Variants in AFG2A observed in about 807,000 individuals in gnomAD.
The protein encoded by AFG2A is AAA ATPase AFG2A.
chr4:123,223,701 A>G, the AFG2A span, among the ~76,000 whole-genome samples: 3 of 152,274 alleles, frequency 2.0e-5, no homozygotes, highest in South Asian at 4.1e-4. Context: ...CCCACCTCCA[A>G]CACTAGGGAT....
chr4:123,229,643 G>A, the AFG2A span, among the ~76,000 whole-genome samples: 2 of 151,944 alleles, frequency 1.3e-5, no homozygotes, highest in Admixed American at 6.6e-5. Flanking sequence ...ATGTAGGAAA[G>A]GAGAAAGAAG....
chr4:122,993,596 G>T, the AFG2A span, among the ~76,000 whole-genome samples: 942 of 152,068 alleles, frequency 6.2e-3, 12 homozygotes, highest in African/African-American at 0.021. Context: ...TTTAAAGCTT[G>T]TGACAAATAT....
the AFG2A span, among the ~76,000 whole-genome samples, chr4:122,988,239 A>T: frequency 6.6e-6 from 1 of 151,674 alleles, no homozygotes; most frequent in Non-Finnish European, 1.5e-5. Context: ...GAATATGATT[A>T]TAACATATCT....
At chr4:123,222,380 T>C in the AFG2A span, among the ~76,000 whole-genome samples, 1 of 152,200 alleles carries the variant, frequency 6.6e-6, no homozygotes, top group Non-Finnish European at 1.5e-5. Flanking sequence ...GCACCAAAAG[T>C]TCTTAAACAC....
At chr4:123,105,329 C>G in the AFG2A span, among the ~76,000 whole-genome samples, 1 of 152,074 alleles carries the variant, frequency 6.6e-6, no homozygotes, top group Non-Finnish European at 1.5e-5. Context: ...AAAAAAGATT[C>G]CTTTTGAGAT....
chr4:123,286,026 T>C, the AFG2A span, among the ~76,000 whole-genome samples: 2 of 152,214 alleles, frequency 1.3e-5, no homozygotes, highest in African/African-American at 2.4e-5. Context: ...ACTGTACTTA[T>C]TGTCTTGTTC....
the AFG2A span, chr4:123,256,017 C>G: frequency 6.2e-7 from 1 of 1,613,802 alleles, no homozygotes; most frequent in African/African-American, 1.3e-5. Flanking sequence ...TCTTTATAGG[C>G]TTTGATGCGG....
chr4:123,017,079 C>G, the AFG2A span, among the ~76,000 whole-genome samples: 1 of 151,466 alleles, frequency 6.6e-6, no homozygotes, highest in African/African-American at 2.4e-5. Context: ...GCAGTACAGT[C>G]CAGCTTCGGC....
the AFG2A span, among the ~76,000 whole-genome samples, chr4:123,182,114 T>C: frequency 1.3e-5 from 2 of 152,172 alleles, no homozygotes; most frequent in Admixed American, 1.3e-4. Flanking sequence ...CCTCTTAAAA[T>C]TCTTTAATTA....
the AFG2A span, among the ~76,000 whole-genome samples, chr4:122,983,907 G>A: frequency 6.6e-6 from 1 of 152,152 alleles, no homozygotes; most frequent in Non-Finnish European, 1.5e-5. Context: ...AGGCTCACAG[G>A]AAGACACATC....
chr4:123,131,901 A>G, the AFG2A span, among the ~76,000 whole-genome samples: 3 of 152,068 alleles, frequency 2.0e-5, no homozygotes, highest in Admixed American at 6.6e-5. Flanking sequence ...CTGCCATACT[A>G]TTTTCCACAG....
At chr4:122,965,280 G>A in the AFG2A span, among the ~76,000 whole-genome samples, 2 of 152,200 alleles carry the variant, frequency 1.3e-5, no homozygotes, top group African/African-American at 4.8e-5. Context: ...AGCAAGCACT[G>A]AGTATAAAAT....
At chr4:123,121,258 A>T in the AFG2A span, among the ~76,000 whole-genome samples, 35 of 82,638 alleles carry the variant, frequency 4.2e-4, no homozygotes, top group East Asian at 2.2e-3. Flanking sequence ...TAAAAAAAAA[A>T]AATAATAAAT....
the AFG2A span, among the ~76,000 whole-genome samples, chr4:122,972,443 A>G: frequency 6.6e-6 from 1 of 150,544 alleles, no homozygotes; most frequent in Non-Finnish European, 1.5e-5. Flanking sequence ...TTAATTGTGC[A>G]TTTGTTTTCT....
chr4:123,300,226 G>A, the AFG2A span, among the ~76,000 whole-genome samples: 1 of 152,178 alleles, frequency 6.6e-6, no homozygotes, highest in South Asian at 2.1e-4. Context: ...GGAAAAAAAT[G>A]CATGGGTATT....
the AFG2A span, among the ~76,000 whole-genome samples, chr4:123,093,632 T>G: frequency 6.6e-6 from 1 of 152,166 alleles, no homozygotes; most frequent in Non-Finnish European, 1.5e-5. Flanking sequence ...GATTAGAAAC[T>G]CCTCCTTAAT....
chr4:123,072,810 G>A, the AFG2A span, among the ~76,000 whole-genome samples: 1 of 147,776 alleles, frequency 6.8e-6, no homozygotes, highest in African/African-American at 2.5e-5. Context: ...TTATTCAAAT[G>A]CATTTGTTTA....
the AFG2A span, among the ~76,000 whole-genome samples, chr4:122,935,389 T>C: frequency 6.6e-6 from 1 of 152,162 alleles, no homozygotes; most frequent in African/African-American, 2.4e-5. Context: ...TGGTGGCTTG[T>C]CTACCTGTGT....
At chr4:123,221,276 C>T in the AFG2A span, among the ~76,000 whole-genome samples, 1 of 152,202 alleles carries the variant, frequency 6.6e-6, no homozygotes, top group Admixed American at 6.5e-5. Context: ...CCACCTAAGC[C>T]TCTTGAGTAG....
Sources: gnomAD v4.1 joint callset for allele counts (sites outside exome capture counted in the v4.1 genomes callset) on GRCh38, gnomAD v4.1.1 for gene constraint, MANE v1.5 for transcripts, NCBI Gene and HGNC (gene_info 2026-07-23, HGNC 2026-07-21) for gene names.